Variants in PDE4D observed in about 807,000 individuals in gnomAD.
PDE4D encodes 3',5'-cyclic-AMP phosphodiesterase 4D.
Under a neutral mutation model 87.4 loss-of-function variants are expected in PDE4D, and 24 were observed. The observed-to-expected ratio is 0.27, with a 90% CI of 0.20 to 0.39. PDE4D has a LOEUF of 0.39. Among genes scored for constraint, PDE4D ranks in the 10% least tolerant of loss-of-function variants. The pLI, the probability that PDE4D is intolerant of heterozygous loss-of-function variation, is 1.00. For synonymous variants in PDE4D, 384 were observed against 383.2 expected, an observed-to-expected ratio of 1.00 and a Z score of -0.02; for missense variants, 714 against 1,041.0, an observed-to-expected ratio of 0.69 and a Z score of 4.32.
chr5:59,804,289 G>C (rs1767493440), intron 1 of PDE4D, among the ~76,000 whole-genome samples: 1 of 152,196 alleles, frequency 6.6e-6, no homozygotes, highest in African/African-American at 2.4e-5. Flanking sequence ...TTCCATTCCT[G>C]AGTTACGTCT....
intron 1 of PDE4D, among the ~76,000 whole-genome samples, chr5:59,711,415 T>C (rs1252485152): frequency 6.6e-6 from 1 of 152,098 alleles, no homozygotes; most frequent in African/African-American, 2.4e-5. Flanking sequence ...AAATAATATA[T>C]CCATTCATTT....
At chr5:60,379,295 A>C (rs1761678514) in intron 1 of PDE4D, among the ~76,000 whole-genome samples, 1 of 152,194 alleles carries the variant, frequency 6.6e-6, no homozygotes, top group Non-Finnish European at 1.5e-5. Flanking sequence ...TTCATGAAAC[A>C]GAGCTTTAGG....
At chr5:59,917,380 C>T (rs1029021072) in intron 3 of PDE4D, among the ~76,000 whole-genome samples, 1 of 152,032 alleles carries the variant, frequency 6.6e-6, no homozygotes, top group Non-Finnish European at 1.5e-5. Context: ...TGGATCAACA[C>T]AAAGCTATAA....
At chr5:59,310,681 T>C (rs255649) in intron 1 of PDE4D, among the ~76,000 whole-genome samples, 95,271 of 152,076 alleles carry the variant, frequency 0.63, 30,953 homozygotes, top group African/African-American at 0.78. Context: ...TGTGAGACTG[T>C]ACAAAAGCAG....
At chr5:60,285,924 G>T (rs1752377666) in intron 1 of PDE4D, among the ~76,000 whole-genome samples, 1 of 152,176 alleles carries the variant, frequency 6.6e-6, no homozygotes, top group Non-Finnish European at 1.5e-5. Flanking sequence ...CAGATTTCAA[G>T]ATTTGAAAAG....
chr5:59,150,661 T>C (rs1779345231), intron 5 of PDE4D, among the ~76,000 whole-genome samples: 1 of 152,184 alleles, frequency 6.6e-6, no homozygotes, highest in Non-Finnish European at 1.5e-5. Flanking sequence ...GGACCTGGTC[T>C]GAATATCTAA....
intron 5 of PDE4D, among the ~76,000 whole-genome samples, chr5:59,127,495 C>T (rs1775582807): frequency 6.6e-6 from 1 of 151,764 alleles, no homozygotes; most frequent in African/African-American, 2.4e-5. Flanking sequence ...AGTGAGCGGG[C>T]GTGTGCACAG....
At chr5:59,089,290 C>T (rs1222268988) in intron 5 of PDE4D, among the ~76,000 whole-genome samples, 1 of 22,574 alleles carries the variant, frequency 4.4e-5, no homozygotes, top group Non-Finnish European at 6.9e-5. Flanking sequence ...GACTACAATA[C>T]TGATTTCATT....
At chr5:60,197,078 T>C (rs3989107) in intron 1 of PDE4D, among the ~76,000 whole-genome samples, 8,576 of 39,614 alleles carry the variant, frequency 0.22, 599 homozygotes, top group South Asian at 0.26. Flanking sequence ...GATAGACAGT[T>C]AGATAGATAG....
At chr5:59,714,548 C>A (rs913587879) in intron 1 of PDE4D, among the ~76,000 whole-genome samples, 9 of 152,212 alleles carry the variant, frequency 5.9e-5, no homozygotes, top group African/African-American at 2.2e-4. Flanking sequence ...GGATGTTTTA[C>A]ATGGCCTGAC....
chr5:59,508,023 C>G (rs905257096), intron 1 of PDE4D, among the ~76,000 whole-genome samples: 11 of 152,270 alleles, frequency 7.2e-5, no homozygotes, highest in African/African-American at 2.4e-4. Context: ...TGCTTTAAAT[C>G]ATTAAATTAA....
intron 1 of PDE4D, among the ~76,000 whole-genome samples, chr5:59,245,160 A>G (rs957377866): frequency 6.6e-6 from 1 of 152,140 alleles, no homozygotes; most frequent in Non-Finnish European, 1.5e-5. Flanking sequence ...CAACGATGGT[A>G]AATTTGGCAA....
chr5:59,569,587 T>C (rs115188419), intron 1 of PDE4D, among the ~76,000 whole-genome samples: 331 of 152,336 alleles, frequency 2.2e-3, no homozygotes, highest in African/African-American at 7.8e-3. Context: ...CCATGTCATA[T>C]GAAATGCCTG....
intron 1 of PDE4D, among the ~76,000 whole-genome samples, chr5:59,756,429 T>C (rs959609611): frequency 6.6e-6 from 1 of 151,888 alleles, no homozygotes; most frequent in Admixed American, 6.6e-5. Flanking sequence ...CAAATTATTG[T>C]GACAGAATAA....
chr5:60,325,159 T>C (rs1756668158), intron 1 of PDE4D, among the ~76,000 whole-genome samples: 1 of 152,328 alleles, frequency 6.6e-6, no homozygotes, highest in South Asian at 2.1e-4. Flanking sequence ...TTCATTACAT[T>C]GCCTCTATTA....
intron 1 of PDE4D, among the ~76,000 whole-genome samples, chr5:59,605,336 T>C: frequency 6.6e-6 from 1 of 151,450 alleles, no homozygotes; most frequent in East Asian, 1.9e-4. Flanking sequence ...TTTCCAAATA[T>C]AAGTATTTCT....
At chr5:60,219,220 T>C (rs1744213251) in intron 1 of PDE4D, among the ~76,000 whole-genome samples, 1 of 152,150 alleles carries the variant, frequency 6.6e-6, no homozygotes, top group South Asian at 2.1e-4. Context: ...CAAAGCAAAG[T>C]TAAAAGCAGT....
chr5:59,893,387 G>C lies in PDE4D; in HGVS notation c.236C>G (p.Pro79Arg), dbSNP rs925784488. The change falls in exon 1 of 15, where the codon CCC becomes CGC. Residue 79 changes from proline (P) to arginine (R), a missense_variant. Transcript: ENST00000340635. ...CGGCGGCGGGGGCGGCGGCAGGGGG[G>C]GCGGCGGCGGCGGCTGTAGCGGACA... Reference protein sequence around the residue: ...PQCPLQPPPPPPLPPPPPPPG... With the variant: ...PQCPLQPPPPRPLPPPPPPPG... 7 of 1,210,386 alleles carry C rather than the reference G, an allele frequency of 5.8e-6. No homozygotes were observed. Among genetic ancestry groups the C allele is most frequent in the African/African-American group, 4.7e-5 (3 of 63,204 alleles). 75.0% of individuals were successfully genotyped at this position (1,210,386 alleles called of 1,614,324 possible).
chr5:59,888,765 G>A (rs867055921), intron 1 of PDE4D, among the ~76,000 whole-genome samples: 4 of 151,568 alleles, frequency 2.6e-5, no homozygotes, highest in African/African-American at 9.7e-5. Flanking sequence ...CTAGATTACC[G>A]TTACATCCTT....
Sources: gnomAD v4.1 joint callset for allele counts (sites outside exome capture counted in the v4.1 genomes callset) on GRCh38, gnomAD v4.1.1 for gene constraint, MANE v1.5 for transcripts, NCBI Gene and HGNC (gene_info 2026-07-23, HGNC 2026-07-21) for gene names.